Variants in STAG1 observed in about 807,000 individuals in gnomAD.
The protein encoded by STAG1 is cohesin subunit SA-1.
A neutral mutation model predicts 170.9 loss-of-function variants in STAG1; 26 were observed. That is an observed-to-expected ratio of 0.15 (90% CI 0.11 to 0.21). The LOEUF (loss-of-function observed/expected upper bound fraction) is 0.21. STAG1 is among the 10% of genes least tolerant of loss of function. The pLI is 1.00. For synonymous variants in STAG1, 514 were observed against 497.7 expected (o/e 1.03, Z -0.44); for missense variants, 964 against 1,509.5 (o/e 0.64, Z 5.99).
chr3:136,670,861 G>T (rs753622390), intron 1 of STAG1, among the ~76,000 whole-genome samples: 1 of 152,072 alleles, frequency 6.6e-6, no homozygotes, highest in South Asian at 2.1e-4. Context: ...CACCACCTGA[G>T]ATTTCAATAA....
intron 2 of STAG1, among the ~76,000 whole-genome samples, chr3:136,628,509 C>G (rs980004362): frequency 3.3e-5 from 5 of 152,080 alleles, no homozygotes; most frequent in African/African-American, 1.2e-4. Flanking sequence ...TCAAACATAT[C>G]GCAGGGTCCT....
At chr3:136,390,207 C>T (rs931410006) in intron 22 of STAG1, among the ~76,000 whole-genome samples, 4 of 152,112 alleles carry the variant, frequency 2.6e-5, no homozygotes, top group African/African-American at 9.7e-5. Context: ...AACAGGGCTG[C>T]AAACACAACA....
chr3:136,576,943 C>G (rs185563528), intron 4 of STAG1, among the ~76,000 whole-genome samples: 1 of 152,140 alleles, frequency 6.6e-6, no homozygotes, highest in African/African-American at 2.4e-5. Context: ...AAAGTAGATT[C>G]GTTTGCTTTG....
intron 16 of STAG1, among the ~76,000 whole-genome samples, chr3:136,433,072 G>C (rs914726552): frequency 6.0e-5 from 9 of 151,130 alleles, no homozygotes; most frequent in African/African-American, 2.2e-4. Context: ...AGAAAGATCT[G>C]CCTACCTCTT....
chr3:136,374,629 A>ATT (rs1175276334), intron 23 of STAG1, among the ~76,000 whole-genome samples: 72 of 148,454 alleles, frequency 4.8e-4, no homozygotes, highest in Non-Finnish European at 3.3e-4. Flanking sequence ...AAAAAAAAAA[A>ATT]TTTTTTTTTT....
intron 1 of STAG1, among the ~76,000 whole-genome samples, chr3:136,678,499 C>G (rs1319105009): frequency 9.5e-6 from 1 of 105,572 alleles, no homozygotes; most frequent in African/African-American, 3.2e-5. Context: ...ATCCAACATA[C>G]AAAAATAAAC....
chr3:136,542,664 T>C (rs1935964234), intron 5 of STAG1, among the ~76,000 whole-genome samples: 1 of 129,404 alleles, frequency 7.7e-6, no homozygotes, highest in Non-Finnish European at 1.7e-5. Context: ...AAGCACTGTT[T>C]GTAATAAAAA....
intron 7 of STAG1, among the ~76,000 whole-genome samples, chr3:136,520,362 A>G (rs1392452096): frequency 1.3e-5 from 2 of 152,160 alleles, no homozygotes; most frequent in Non-Finnish European, 2.9e-5. Flanking sequence ...TAATGAGTCT[A>G]AATCTGGTTT....
At chr3:136,500,742 A>G (rs1933417450) in intron 8 of STAG1, among the ~76,000 whole-genome samples, 1 of 152,202 alleles carries the variant, frequency 6.6e-6, no homozygotes, top group Non-Finnish European at 1.5e-5. Context: ...GCATCTCACT[A>G]GCCTGTAACA....
At chr3:136,359,496 T>C (rs1936777228) in intron 26 of STAG1, among the ~76,000 whole-genome samples, 200 bp from the exon 27 acceptor site, 1 of 152,170 alleles carries the variant, frequency 6.6e-6, no homozygotes, top group Non-Finnish European at 1.5e-5. Flanking sequence ...AGTGGTGTGA[T>C]TAAATGCAGA....
chr3:136,513,963 C>A (rs1341309059), intron 7 of STAG1, among the ~76,000 whole-genome samples: 2 of 151,970 alleles, frequency 1.3e-5, no homozygotes, highest in Non-Finnish European at 2.9e-5. Flanking sequence ...GATCAGAACA[C>A]TTGTTTAAAA....
At chr3:136,697,402 A>G (rs1451533052) in intron 1 of STAG1, among the ~76,000 whole-genome samples, 1 of 152,214 alleles carries the variant, frequency 6.6e-6, no homozygotes, top group Non-Finnish European at 1.5e-5. Context: ...AATCACACTC[A>G]GTTTGGGATC....
chr3:136,501,706 C>T (rs1051359185), intron 8 of STAG1, among the ~76,000 whole-genome samples: 4 of 152,152 alleles, frequency 2.6e-5, no homozygotes, highest in Non-Finnish European at 4.4e-5. Flanking sequence ...CAAACTAATA[C>T]AGTATGGCTA....
chr3:136,676,882 G>A (rs190987993), intron 1 of STAG1, among the ~76,000 whole-genome samples: 73 of 151,074 alleles, frequency 4.8e-4, no homozygotes, highest in Non-Finnish European at 3.1e-4. Flanking sequence ...TTTAAACTGT[G>A]CCTTAAAAAC....
intron 4 of STAG1, among the ~76,000 whole-genome samples, chr3:136,602,415 A>C (rs1464208204): frequency 6.6e-6 from 1 of 151,884 alleles, no homozygotes; most frequent in Non-Finnish European, 1.5e-5. Flanking sequence ...GAGAAGAAAA[A>C]TATCTGAAAT....
intron 1 of STAG1, among the ~76,000 whole-genome samples, chr3:136,672,150 C>A (rs1011089113): frequency 3.9e-5 from 6 of 152,196 alleles, no homozygotes; most frequent in Non-Finnish European, 8.8e-5. Context: ...AGCTGGCAGT[C>A]TGGCCAATAC....
At chr3:136,414,836 G>A (rs1292511423) in intron 21 of STAG1, among the ~76,000 whole-genome samples, 1 of 152,130 alleles carries the variant, frequency 6.6e-6, no homozygotes, top group Non-Finnish European at 1.5e-5. Flanking sequence ...TCTTCCACTT[G>A]AACATTAAGG....
At chr3:136,637,491 GCT>G (rs1445547236) in intron 1 of STAG1, among the ~76,000 whole-genome samples, 1 of 152,156 alleles carries the variant, frequency 6.6e-6, no homozygotes, top group Non-Finnish European at 1.5e-5. Context: ...TCATTATTCT[GCT>G]CTTTCTCTCT....
At chr3:136,554,213 G>C (rs149380612) in intron 5 of STAG1, among the ~76,000 whole-genome samples, 218 of 152,242 alleles carry the variant, frequency 1.4e-3, no homozygotes, top group Middle Eastern at 0.01. Context: ...ACATATCAGG[G>C]AGTGGAGAGA....
Sources: gnomAD v4.1 joint callset for allele counts (sites outside exome capture counted in the v4.1 genomes callset) on GRCh38, gnomAD v4.1.1 for gene constraint, MANE v1.5 for transcripts, NCBI Gene and HGNC (gene_info 2026-07-23, HGNC 2026-07-21) for gene names.